BACH2: variants seen among roughly 807,000 people sequenced by gnomAD.
BACH2 encodes BACH transcriptional regulator 2.
In BACH2, 5 loss-of-function variants were observed where a neutral mutation model predicts 61.8. The ratio of observed to expected loss-of-function variants is 0.08; its 90% confidence interval spans 0.04 to 0.17. BACH2 has a LOEUF of 0.17. Among genes scored for constraint, BACH2 ranks in the 10% least tolerant of loss-of-function variants. The pLI is 1.00. For missense variants in BACH2, 824 were observed against 1,091.1 expected, an observed-to-expected ratio of 0.76 and a Z score of 3.45; for synonymous variants, 446 against 440.1, an observed-to-expected ratio of 1.01 and a Z score of -0.17.
At chr6:90,253,520 A>C (rs537047336) in intron 2 of BACH2, among the ~76,000 whole-genome samples, 1 of 152,306 alleles carries the variant, frequency 6.6e-6, no homozygotes, top group East Asian at 1.9e-4. Context: ...AGGATGTTTA[A>C]GGTCTTGCTC....
chr6:90,060,978 C>A (rs1289129552), intron 5 of BACH2, among the ~76,000 whole-genome samples: 2 of 152,022 alleles, frequency 1.3e-5, no homozygotes, highest in South Asian at 4.1e-4. Context: ...TAGATATTTT[C>A]ATTACTTCCT....
rs1288011634 is a variant in BACH2 at position 90,046,019 on chromosome 6, G to A, written c.-12-37163C>T. On this transcript the variant is annotated intron_variant, in intron 5 of 8. Transcript: ENST00000257749. ...CCACTATGATCAAAGATATTCCTCT[G>A]TATCTCTGTGTAATACTCAAAACAG... Among the ~76,000 whole-genome samples, 7 of 151,828 alleles carry A rather than the reference G, an allele frequency of 4.6e-5. No homozygotes were observed. In the South Asian group the frequency reaches 1.5e-3, roughly 31 times the overall value.
chr6:90,223,606 C>T (rs1457014530), intron 3 of BACH2, among the ~76,000 whole-genome samples: 1 of 151,982 alleles, frequency 6.6e-6, no homozygotes, highest in Non-Finnish European at 1.5e-5. Flanking sequence ...GTAGCTGGGA[C>T]TACAGGTGCA....
At chr6:89,945,113 A>G (rs1236263400) in intron 7 of BACH2, among the ~76,000 whole-genome samples, 1 of 152,226 alleles carries the variant, frequency 6.6e-6, no homozygotes, top group Non-Finnish European at 1.5e-5. Context: ...ACAGTCTAGT[A>G]GCTCCTCAAA....
At chr6:90,192,860 C>T (rs1768622391) in intron 4 of BACH2, among the ~76,000 whole-genome samples, 1 of 152,208 alleles carries the variant, frequency 6.6e-6, no homozygotes, top group African/African-American at 2.4e-5. Context: ...GCATTCCTAG[C>T]CATGCTAGAA....
At chr6:90,073,331 G>T (rs1391709382) in intron 5 of BACH2, among the ~76,000 whole-genome samples, 1 of 152,158 alleles carries the variant, frequency 6.6e-6, no homozygotes, top group Non-Finnish European at 1.5e-5. Context: ...GCTGACAGGT[G>T]GTACATGCAT....
chr6:90,258,072 G>GC (rs1354720658), intron 2 of BACH2, among the ~76,000 whole-genome samples: 1 of 152,132 alleles, frequency 6.6e-6, no homozygotes, highest in African/African-American at 2.4e-5. Context: ...ACTGCGCCCA[G>GC]CCCCCATTTA....
chr6:89,960,131 G>A (rs1047422900), intron 6 of BACH2, among the ~76,000 whole-genome samples: 7 of 152,092 alleles, frequency 4.6e-5, no homozygotes, highest in African/African-American at 9.7e-5. Context: ...TACTTTCTGC[G>A]GTCATTAATC....
chr6:90,191,815 A>G (rs1768583690), intron 4 of BACH2, among the ~76,000 whole-genome samples: 1 of 152,252 alleles, frequency 6.6e-6, no homozygotes, highest in Non-Finnish European at 1.5e-5. Context: ...TTATTTATCA[A>G]ATATCTACAA....
intron 4 of BACH2, among the ~76,000 whole-genome samples, chr6:90,133,308 A>C (rs191120805): frequency 1.9e-3 from 292 of 152,310 alleles, no homozygotes; most frequent in African/African-American, 6.8e-3. Context: ...CTCAGCAGAG[A>C]TGTAACTGGC....
At chr6:89,939,449 C>T (rs535577864) in intron 7 of BACH2, among the ~76,000 whole-genome samples, 60 of 152,264 alleles carry the variant, frequency 3.9e-4, no homozygotes, top group African/African-American at 1.3e-3. Context: ...TAAGTGATTA[C>T]TATTGTTTTA....
chr6:90,139,698 G>A (rs1784399688), intron 4 of BACH2, among the ~76,000 whole-genome samples: 1 of 152,174 alleles, frequency 6.6e-6, no homozygotes, highest in South Asian at 2.1e-4. Context: ...ACAGTGTTCG[G>A]ATGTGTCCTT....
At chr6:90,252,656 C>T (rs2127870979) in intron 2 of BACH2, 66 bp from the exon 3 acceptor site, 1 of 152,206 alleles carries the variant, frequency 6.6e-6, no homozygotes. Context: ...CCATTTTTAT[C>T]AATGATTGAG....
intron 5 of BACH2, among the ~76,000 whole-genome samples, chr6:90,016,314 T>C (rs927387046): frequency 6.6e-6 from 1 of 152,242 alleles, no homozygotes. Flanking sequence ...CTACTTGTTT[T>C]CTATTTGTTC....
chr6:90,000,616 G>C (rs1777086003), intron 6 of BACH2, among the ~76,000 whole-genome samples: 1 of 152,118 alleles, frequency 6.6e-6, no homozygotes, highest in African/African-American at 2.4e-5. Context: ...AGTCAAACTG[G>C]TAACTAGCAT....
intron 4 of BACH2, among the ~76,000 whole-genome samples, chr6:90,119,790 T>C (rs1445332356): frequency 6.6e-6 from 1 of 152,190 alleles, no homozygotes; most frequent in African/African-American, 2.4e-5. Flanking sequence ...ATAACGTTCA[T>C]CCACCTTGAA....
chr6:90,078,181 C>T (rs1781558600), intron 5 of BACH2, among the ~76,000 whole-genome samples: 1 of 152,106 alleles, frequency 6.6e-6, no homozygotes, highest in African/African-American at 2.4e-5. Flanking sequence ...AGCTATTGCT[C>T]CTGAAGTTTT....
intron 3 of BACH2, among the ~76,000 whole-genome samples, chr6:90,234,016 T>C (rs749953422): frequency 2.7e-4 from 41 of 152,130 alleles, no homozygotes; most frequent in Non-Finnish European, 4.4e-4. Flanking sequence ...CTTCATCTCT[T>C]CTAGGCTTTC....
At chr6:90,140,251 T>C (rs1035983229) in intron 4 of BACH2, among the ~76,000 whole-genome samples, 33 of 152,296 alleles carry the variant, frequency 2.2e-4, no homozygotes, top group African/African-American at 7.2e-4. Context: ...AACACAATTT[T>C]GGTTAGCAGC....
Sources: allele counts gnomAD v4.1 joint callset (sites outside exome capture counted in the v4.1 genomes callset), GRCh38; gene constraint gnomAD v4.1.1; transcripts MANE v1.5; gene names NCBI Gene and HGNC (gene_info 2026-07-23, HGNC 2026-07-21).